Variants in NLK observed in about 807,000 individuals in gnomAD.
The protein encoded by NLK is serine/threonine-protein kinase NLK.
Under a neutral mutation model 59.0 loss-of-function variants are expected in NLK, and 11 were observed. The ratio of observed to expected loss-of-function variants is 0.19; its 90% confidence interval spans 0.12 to 0.31. The LOEUF (loss-of-function observed/expected upper bound fraction) is 0.31. Among genes scored for constraint, NLK ranks in the 10% least tolerant of loss-of-function variants. NLK has a pLI of 1.00. For missense variants in NLK, 410 were observed against 661.1 expected (o/e 0.62, Z 4.16); for synonymous variants, 235 against 235.9 (o/e 1.00, Z 0.03).
At chr17:28,139,222 C>T (rs1200439396) in intron 3 of NLK, among the ~76,000 whole-genome samples, 1 of 152,122 alleles carries the variant, frequency 6.6e-6, no homozygotes, top group Non-Finnish European at 1.5e-5. Flanking sequence ...GCACTTCAGC[C>T]TGGGTGACAG....
chr17:28,131,370 AG>A (rs1906507979), intron 2 of NLK, among the ~76,000 whole-genome samples: 1 of 151,958 alleles, frequency 6.6e-6, no homozygotes, highest in African/African-American at 2.4e-5. Flanking sequence ...CTTACATTTT[AG>A]ATTTGATCAT....
At chr17:28,131,378 T>C (rs1906508636) in intron 2 of NLK, among the ~76,000 whole-genome samples, 1 of 152,016 alleles carries the variant, frequency 6.6e-6, no homozygotes, top group East Asian at 1.9e-4. Context: ...TTAGATTTGA[T>C]CATTGCAATT....
At chr17:28,046,506 C>T (rs1384023678) in intron 1 of NLK, among the ~76,000 whole-genome samples, 1 of 152,156 alleles carries the variant, frequency 6.6e-6, no homozygotes, top group Non-Finnish European at 1.5e-5. Flanking sequence ...CTTTTTGAGA[C>T]ATTACAGCCT....
chr17:28,181,382 G>A (rs1481685347), intron 7 of NLK, among the ~76,000 whole-genome samples: 1 of 151,898 alleles, frequency 6.6e-6, no homozygotes, highest in Non-Finnish European at 1.5e-5. Context: ...CAGCCTGGGA[G>A]ACAGAGCAAG....
At chr17:28,105,840 C>T (rs1445520630) in intron 1 of NLK, among the ~76,000 whole-genome samples, 4 of 152,226 alleles carry the variant, frequency 2.6e-5, no homozygotes. Flanking sequence ...TAGAGTCGTT[C>T]TCCTCCCTGC....
downstream of NLK, among the ~76,000 whole-genome samples, chr17:28,199,634 C>G (rs1035291475): frequency 7.1e-6 from 1 of 141,382 alleles, no homozygotes; most frequent in Non-Finnish European, 1.5e-5. Flanking sequence ...CCACTGCACT[C>G]CAGCCTGGAT....
chr17:28,189,496 C>A (rs1315857917), intron 8 of NLK, among the ~76,000 whole-genome samples: 1 of 152,036 alleles, frequency 6.6e-6, no homozygotes, highest in Non-Finnish European at 1.5e-5. Context: ...ATCTTACAGA[C>A]AAGTATGTTG....
intron 7 of NLK, among the ~76,000 whole-genome samples, chr17:28,175,639 A>G (rs1310246946): frequency 3.3e-5 from 5 of 152,218 alleles, no homozygotes; most frequent in South Asian, 2.1e-4. Flanking sequence ...ATTCATCTGT[A>G]AAATGGTGAT....
downstream of NLK, among the ~76,000 whole-genome samples, chr17:28,199,388 G>A (rs904734574): frequency 6.6e-6 from 1 of 151,976 alleles, no homozygotes; most frequent in Non-Finnish European, 1.5e-5. Flanking sequence ...GCCTGAGGCT[G>A]GGTGCAGTGG....
At chr17:28,057,849 CTA>C (rs1294201974) in intron 1 of NLK, among the ~76,000 whole-genome samples, 1 of 152,066 alleles carries the variant, frequency 6.6e-6, no homozygotes, top group Non-Finnish European at 1.5e-5. Flanking sequence ...ATTATTTCCC[CTA>C]TATATAGTAC....
intron 2 of NLK, among the ~76,000 whole-genome samples, chr17:28,122,942 A>G (rs1906128839): frequency 6.6e-6 from 1 of 152,204 alleles, no homozygotes; most frequent in African/African-American, 2.4e-5. Context: ...TCTTATTGAA[A>G]GAGATGCACA....
chr17:28,203,125 G>T, the NLK span, among the ~76,000 whole-genome samples: 1 of 147,988 alleles, frequency 6.8e-6, no homozygotes, highest in Non-Finnish European at 1.5e-5. Flanking sequence ...AAATAAACAC[G>T]CAAACACGTA....
At chr17:28,100,870 C>T (rs1405865793) in intron 1 of NLK, among the ~76,000 whole-genome samples, 1 of 152,018 alleles carries the variant, frequency 6.6e-6, no homozygotes, top group East Asian at 1.9e-4. Flanking sequence ...AAAGGGTAGC[C>T]TTATATGTCC....
rs540343995 is a variant in NLK at position 28,090,333 on chromosome 17, C to T, written c.459-32270C>T. On this transcript the variant is annotated intron_variant, in intron 1 of 10. Coordinates refer to ENST00000407008, the MANE Select transcript of NLK (RefSeq NM_016231.5). ...TTGTTATTTTGCTTTAAACAGTTGT[C>T]TTTTAAGGAGATTTAAATAATACCA... 1.2e-4 allele frequency among the ~76,000 whole-genome samples: 18 copies of T among 152,220 alleles called. No individual in the cohort carries two copies. The South Asian group carries it at 3.7e-3, about 32-fold the overall frequency.
chr17:28,079,420 G>T (rs1482296285), intron 1 of NLK, among the ~76,000 whole-genome samples: 1 of 152,112 alleles, frequency 6.6e-6, no homozygotes, highest in Non-Finnish European at 1.5e-5. Flanking sequence ...CTATTTTTAA[G>T]TTTTTGAAGA....
At chr17:28,079,472 C>G (rs113118392) in intron 1 of NLK, among the ~76,000 whole-genome samples, 3 of 152,166 alleles carry the variant, frequency 2.0e-5, no homozygotes, top group Admixed American at 1.3e-4. Flanking sequence ...CATTTATATT[C>G]GCACCAGCAG....
In NLK at chr17:28,077,184, C is replaced by A. The variant is rs115436758; in HGVS notation, c.458+33853C>A. On this transcript the variant is annotated intron_variant, in intron 1 of 10. Coordinates refer to ENST00000407008, the MANE Select transcript of NLK (RefSeq NM_016231.5). ...CCCTTGTTTGCCACCTGTATTAGTC[C>A]GTTTTCACATTGCTGATAAAGACGT... is the stretch of plus-strand genomic sequence containing the variant. Among the ~76,000 whole-genome samples the A allele has an allele frequency of 1.0e-3, 150 of 148,766 alleles. 1 individual carries two copies. The highest frequency in any genetic ancestry group is 3.6e-3 in the African/African-American group (146 of 40,314).
At chr17:28,201,558 AAAGAAAAAAC>A in the NLK span, among the ~76,000 whole-genome samples, 1 of 152,016 alleles carries the variant, frequency 6.6e-6, no homozygotes, top group Non-Finnish European at 1.5e-5. Flanking sequence ...AAAGAAAAGA[AAAGAAAAAAC>A]AAACAAAAAC....
At chr17:28,150,228 G>T (rs1172684656) in intron 3 of NLK, among the ~76,000 whole-genome samples, 1 of 152,182 alleles carries the variant, frequency 6.6e-6, no homozygotes, top group Non-Finnish European at 1.5e-5. Context: ...GTAGCTTCAA[G>T]TAAACATTAA....
Sources: gnomAD v4.1 joint callset for allele counts (sites outside exome capture counted in the v4.1 genomes callset) on GRCh38, gnomAD v4.1.1 for gene constraint, MANE v1.5 for transcripts, NCBI Gene and HGNC (gene_info 2026-07-23, HGNC 2026-07-21) for gene names.